DLG2: variants seen among roughly 807,000 people sequenced by gnomAD.
The protein encoded by DLG2 is disks large homolog 2.
Under a neutral mutation model 132.5 loss-of-function variants are expected in DLG2, and 45 were observed. The ratio of observed to expected loss-of-function variants is 0.34; its 90% CI spans 0.27 to 0.44. DLG2 has a LOEUF of 0.44. Among genes scored for constraint, DLG2 ranks in the 20% least tolerant of loss-of-function variants. The pLI, the probability that DLG2 is intolerant of heterozygous loss-of-function variation, is 1.00. For synonymous variants in DLG2, 424 were observed against 419.6 expected, an observed-to-expected ratio of 1.01 and a Z score of -0.13; for missense variants, 1,045 against 1,196.9, an observed-to-expected ratio of 0.87 and a Z score of 1.87.
At chr11:84,574,738 G>C (rs1178931763) in intron 6 of DLG2, among the ~76,000 whole-genome samples, 1 of 152,076 alleles carries the variant, frequency 6.6e-6, no homozygotes, top group Non-Finnish European at 1.5e-5. Context: ...GTGTGCTCTT[G>C]GCACCTCAAT....
intron 7 of DLG2, among the ~76,000 whole-genome samples, chr11:84,280,964 G>A (rs1253634551): frequency 2.1e-5 from 3 of 140,976 alleles, no homozygotes; most frequent in Non-Finnish European, 3.0e-5. Flanking sequence ...CTCGTGATCC[G>A]CCCGCCTCGG....
intron 3 of DLG2, among the ~76,000 whole-genome samples, chr11:85,488,944 G>A (rs538087729): frequency 2.0e-4 from 31 of 151,822 alleles, no homozygotes; most frequent in Non-Finnish European, 4.6e-4. Flanking sequence ...ACACACCAAA[G>A]AGGAAGAAAA....
intron 7 of DLG2, among the ~76,000 whole-genome samples, chr11:84,256,578 A>G (rs767539213): frequency 1.7e-4 from 26 of 152,196 alleles, no homozygotes; most frequent in Non-Finnish European, 2.9e-4. Flanking sequence ...GGTGATTGTC[A>G]TTACGCCAAT....
chr11:84,545,920 T>C (rs148442201), intron 6 of DLG2, among the ~76,000 whole-genome samples: 1 of 152,170 alleles, frequency 6.6e-6, no homozygotes, highest in East Asian at 1.9e-4. Context: ...CAAGCCCATA[T>C]AATTTTCTTA....
chr11:84,357,435 T>A (rs1029306210), intron 7 of DLG2, among the ~76,000 whole-genome samples: 2 of 152,028 alleles, frequency 1.3e-5, no homozygotes, highest in Admixed American at 1.3e-4. Context: ...TCCTATTACA[T>A]GTTTTCACCG....
At chr11:84,115,443 G>C (rs1363128016) in intron 9 of DLG2, among the ~76,000 whole-genome samples, 1 of 151,906 alleles carries the variant, frequency 6.6e-6, no homozygotes, top group South Asian at 2.1e-4. Flanking sequence ...TGCTTTCTTT[G>C]CAACCCTGAG....
chr11:85,103,328 C>T lies in DLG2; in HGVS notation c.357+8333G>A, dbSNP rs971688975. Among the ~76,000 whole-genome samples the T allele has an allele frequency of 4.6e-5, 7 of 151,802 alleles. No individual in the cohort carries two copies. The South Asian group carries it at 1.0e-3, about 22-fold the overall frequency. On this transcript the variant is annotated intron_variant, in intron 6 of 27. Coordinates refer to ENST00000376104, the MANE Select transcript of DLG2 (RefSeq NM_001142699.3). ...CAATCTTGGAAAAGAACAGAGTTGG[C>T]GTCTCACACTACCAAATTTCCAACT...
intron 19 of DLG2, among the ~76,000 whole-genome samples, chr11:83,576,840 G>T (rs191306696): frequency 2.5e-4 from 38 of 152,270 alleles, no homozygotes; most frequent in African/African-American, 8.9e-4. Flanking sequence ...ATATATAAAG[G>T]AAGTACCCTG....
chr11:84,303,421 T>C (rs1185325411), intron 7 of DLG2, among the ~76,000 whole-genome samples: 1 of 152,208 alleles, frequency 6.6e-6, no homozygotes, highest in Non-Finnish European at 1.5e-5. Flanking sequence ...TGGTAACTAC[T>C]GTACTCCAAG....
chr11:85,028,471 T>G (rs986280342), intron 6 of DLG2, among the ~76,000 whole-genome samples: 5 of 152,096 alleles, frequency 3.3e-5, no homozygotes, highest in Non-Finnish European at 2.9e-5. Context: ...CTGCCACCAT[T>G]GATCATGTCG....
intron 3 of DLG2, among the ~76,000 whole-genome samples, chr11:85,425,790 G>A (rs560260198): frequency 2.6e-5 from 4 of 152,284 alleles, no homozygotes; most frequent in South Asian, 2.1e-4. Context: ...GAAAGTGGGT[G>A]CAGGACAGTG....
intron 6 of DLG2, among the ~76,000 whole-genome samples, chr11:85,016,865 C>CCA (rs1459557990): frequency 6.6e-6 from 1 of 151,836 alleles, no homozygotes; most frequent in African/African-American, 2.4e-5. Context: ...GAAAGCTAAC[C>CCA]CACAGCCACA....
rs566477978 is a variant in DLG2, at chr11:83,815,453, C to A, written c.1722+18161G>T. Among the ~76,000 whole-genome samples, 4 of 152,226 alleles carry A rather than the reference C, an allele frequency of 2.6e-5. No homozygotes were observed. The South Asian group carries it at 6.2e-4, about 24-fold the overall frequency. ...ATTCTGGATAGTTACCATCACGTAACCAGAGGTGGGAAGGTTGGTTAAGGG... is the reference window on the plus strand; with the variant it reads ...ATTCTGGATAGTTACCATCACGTAAACAGAGGTGGGAAGGTTGGTTAAGGG... On this transcript the variant is annotated intron_variant, in intron 17 of 27. Transcript: ENST00000376104.
intron 10 of DLG2, among the ~76,000 whole-genome samples, chr11:84,083,017 C>T (rs1043074955): frequency 6.6e-6 from 1 of 152,156 alleles, no homozygotes; most frequent in Non-Finnish European, 1.5e-5. Context: ...TGGTGGCTCA[C>T]ACCTGTAATC....
chr11:85,553,133 T>C (rs1281534030), intron 3 of DLG2, among the ~76,000 whole-genome samples: 4 of 151,732 alleles, frequency 2.6e-5, no homozygotes, highest in Non-Finnish European at 5.9e-5. Context: ...TTCCTGAGGA[T>C]ATAGCAGTGA....
intron 15 of DLG2, among the ~76,000 whole-genome samples, chr11:83,885,102 A>T (rs1238977878): frequency 1.3e-5 from 2 of 152,268 alleles, no homozygotes; most frequent in African/African-American, 4.8e-5. Context: ...ACAGAGAATG[A>T]CTTTGACAAG....
chr11:83,652,528 A>T (rs2070895978), intron 18 of DLG2, among the ~76,000 whole-genome samples: 1 of 151,974 alleles, frequency 6.6e-6, no homozygotes, highest in Admixed American at 6.5e-5. Context: ...GCACCACCAC[A>T]CCTGGCTAAT....
intron 4 of DLG2, among the ~76,000 whole-genome samples, chr11:85,197,885 G>A (rs773120914): frequency 3.3e-5 from 5 of 152,148 alleles, no homozygotes; most frequent in Non-Finnish European, 7.4e-5. Flanking sequence ...TCATCATTTA[G>A]CTTCTCTAAT....
At chr11:83,614,894 T>C (rs1388394697) in intron 19 of DLG2, among the ~76,000 whole-genome samples, 1 of 152,216 alleles carries the variant, frequency 6.6e-6, no homozygotes, top group Admixed American at 6.5e-5. Flanking sequence ...TAAGAAGTAC[T>C]TGTTTTTCAA....
Sources: gnomAD v4.1 joint callset for allele counts (sites outside exome capture counted in the v4.1 genomes callset) on GRCh38, gnomAD v4.1.1 for gene constraint, MANE v1.5 for transcripts, NCBI Gene and HGNC (gene_info 2026-07-23, HGNC 2026-07-21) for gene names.